C6orf89: variants seen among roughly 807,000 people sequenced by gnomAD.
C6orf89 encodes the protein chromosome 6 open reading frame 89.
A neutral mutation model predicts 40.7 loss-of-function variants in C6orf89; 29 were observed. That is an observed-to-expected ratio of 0.71 (90% CI 0.53 to 0.97). The LOEUF (loss-of-function observed/expected upper bound fraction) is 0.97, where lower values mean the gene tolerates loss of function less well. C6orf89 is among the 50% of genes least tolerant of loss of function. The pLI is 0.00. For missense variants in C6orf89, 392 were observed against 429.1 expected (o/e 0.91, Z 0.76); for synonymous variants, 165 against 152.2 (o/e 1.08, Z -0.62).
chr6:36,884,210 T>C (rs1233987518), upstream of C6orf89, among the ~76,000 whole-genome samples: 1 of 152,162 alleles, frequency 6.6e-6, no homozygotes, highest in Non-Finnish European at 1.5e-5. This position sits in a 1 kb window ranked among gnomAD's most constrained non-coding sequence, Gnocchi z 4.0. Context: ...TGTAGTGAGC[T>C]GAGATCGCCG....
chr6:36,923,248 A>C (rs1481996775), intron 8 of C6orf89, 99 bp from the exon 9 acceptor site: 10 of 759,086 alleles, frequency 1.3e-5, no homozygotes, highest in Non-Finnish European at 2.2e-5. Context: ...TCTGCAGTGC[A>C]CCCTGAGGGC....
intron 1 of C6orf89, among the ~76,000 whole-genome samples, chr6:36,875,421 G>A (rs934556070): frequency 6.6e-6 from 1 of 152,174 alleles, no homozygotes; most frequent in Non-Finnish European, 1.5e-5. Context: ...GAGAGGGAAG[G>A]GGCAGGAAGA....
intron 6 of C6orf89, 58 bp downstream of exon 6, chr6:36,914,751 AG>A: frequency 1.3e-6 from 2 of 1,582,030 alleles, no homozygotes; most frequent in Non-Finnish European, 8.6e-7. Flanking sequence ...GCACTTTGGG[AG>A]GCCGAGGCAG....
At chr6:36,885,055 C>A (rs1441304960), upstream of C6orf89, among the ~76,000 whole-genome samples, 3 of 152,254 alleles carry the variant, frequency 2.0e-5, no homozygotes, top group Admixed American at 2.0e-4. Flanking sequence ...ATGACCAAAA[C>A]GGGGGAATTG....
chr6:36,889,180 A>G (rs376776621), intron 1 of C6orf89, among the ~76,000 whole-genome samples: 2 of 152,290 alleles, frequency 1.3e-5, no homozygotes, highest in East Asian at 3.9e-4. Context: ...CACTTGAGGG[A>G]GATAGATAAT....
chr6:36,877,890 C>T (rs1774702557), intron 1 of C6orf89, among the ~76,000 whole-genome samples: 1 of 151,192 alleles, frequency 6.6e-6, no homozygotes, highest in African/African-American at 2.4e-5. Flanking sequence ...TGGCTGTTTT[C>T]TTATTTGTAA....
At chr6:36,891,048 G>A (rs1035269210) in intron 1 of C6orf89, among the ~76,000 whole-genome samples, 4 of 152,004 alleles carry the variant, frequency 2.6e-5, no homozygotes, top group South Asian at 2.1e-4. Context: ...ACAACGTGTA[G>A]GTTTGTTACA....
chr6:36,907,633 G>A (rs560284467), intron 4 of C6orf89, among the ~76,000 whole-genome samples: 1 of 152,142 alleles, frequency 6.6e-6, no homozygotes, highest in Admixed American at 6.5e-5. Flanking sequence ...AAGCTTTATT[G>A]AACTTTTATA....
chr6:36,893,581 C>T (rs561037086), intron 1 of C6orf89, among the ~76,000 whole-genome samples: 14 of 152,234 alleles, frequency 9.2e-5, no homozygotes, highest in Admixed American at 3.9e-4. Flanking sequence ...AGAAAAGAAA[C>T]GTATTTTTTT....
chr6:36,904,165 C>T (rs1201338107), intron 4 of C6orf89, among the ~76,000 whole-genome samples: 1 of 152,176 alleles, frequency 6.6e-6, no homozygotes, highest in East Asian at 1.9e-4. Context: ...ATCTTCTTCC[C>T]CAGTCCTATA....
Position 36,926,579 on chromosome 6 carries a change from G to A in C6orf89, c.*3138G>A. On this transcript the variant is annotated 3_prime_UTR_variant, in exon 9 of 9. Transcript: ENST00000480824. ...AAAAAAAGAGAGAGAGAAAAGAAGA[G>A]GGGAGGGGAGGGAAAGGGAAGGGAG... 7.6e-6 allele frequency: 1 copy of A among 130,748 alleles called. No homozygotes were observed. The highest frequency in any genetic ancestry group is 3.3e-5 in the African/African-American group (1 of 30,498). 8.1% of individuals were successfully genotyped at this position (130,748 alleles called of 1,614,324 possible).
rs759389598 is a variant in C6orf89, at chr6:36,923,586, A to G, written c.*145A>G. On this transcript the variant is annotated 3_prime_UTR_variant, in exon 9 of 9. Coordinates refer to ENST00000480824, the MANE Select transcript of C6orf89 (RefSeq NM_001286635.2). Reference sequence around the variant, plus strand: ...TGCATGCATGTGTGAACCAGCTGTGAGCTGCAAGGCAGTGGCCAGAGCCTC... The same window carrying G: ...TGCATGCATGTGTGAACCAGCTGTGGGCTGCAAGGCAGTGGCCAGAGCCTC... 1 of 712,350 alleles carries G rather than the reference A, an allele frequency of 1.4e-6. No individual in the cohort carries two copies. The highest frequency in any genetic ancestry group is 2.8e-5 in the East Asian group (1 of 35,476). 44.1% of individuals were successfully genotyped at this position (712,350 alleles called of 1,614,324 possible).
At chr6:36,885,707 T>G (rs1774948254), upstream of C6orf89, 3 of 280,936 alleles carry the variant, frequency 1.1e-5, no homozygotes, top group African/African-American at 6.6e-5. Context: ...GAAGTCTGTG[T>G]GAGCCAGTCC....
chr6:36,898,040 C>G (rs1412811605), intron 2 of C6orf89, among the ~76,000 whole-genome samples: 1 of 152,106 alleles, frequency 6.6e-6, no homozygotes, highest in East Asian at 1.9e-4. Context: ...TATTATTGTT[C>G]TGTAACTTAA....
chr6:36,882,724 T>TTC (rs1774851446), upstream of C6orf89, among the ~76,000 whole-genome samples: 1 of 66,498 alleles, frequency 1.5e-5, no homozygotes, highest in East Asian at 1.1e-3. Context: ...TTTTTTTTTT[T>TTC]TTCTTTTTTC....
At chr6:36,884,619 A>G (rs1774911954), upstream of C6orf89, among the ~76,000 whole-genome samples, 2 of 152,196 alleles carry the variant, frequency 1.3e-5, no homozygotes, top group African/African-American at 2.4e-5. The surrounding 1 kb of genome is among the most constrained non-coding windows in gnomAD (Gnocchi z 4.0). Flanking sequence ...AGAAACCCAA[A>G]ATGATGTAAC....
intron 8 of C6orf89, among the ~76,000 whole-genome samples, chr6:36,920,991 G>C (rs77508061): frequency 6.6e-6 from 1 of 151,104 alleles, no homozygotes; most frequent in South Asian, 2.1e-4. Flanking sequence ...AAAAAAAAAA[G>C]TCTGGCAGTG....
chr6:36,905,476 TA>T (rs1252804391), intron 4 of C6orf89, among the ~76,000 whole-genome samples: 1 of 152,202 alleles, frequency 6.6e-6, no homozygotes, highest in Non-Finnish European at 1.5e-5. Context: ...GTTCCAAAGA[TA>T]AGTGGTCTTC....
chr6:36,918,385 G>A (rs1055322983), intron 7 of C6orf89, among the ~76,000 whole-genome samples: 1 of 152,218 alleles, frequency 6.6e-6, no homozygotes, highest in South Asian at 2.1e-4. Flanking sequence ...AGATGTTAAG[G>A]CTTCTGCCAA....
Sources: gnomAD v4.1 joint callset for allele counts (sites outside exome capture counted in the v4.1 genomes callset) on GRCh38, gnomAD v4.1.1 for gene constraint, Gnocchi (gnomAD v3.1) non-coding constraint, MANE v1.5 for transcripts, NCBI Gene and HGNC (gene_info 2026-07-23, HGNC 2026-07-21) for gene names.